GAS7: variants seen among roughly 807,000 people sequenced by gnomAD.
The protein encoded by GAS7 is growth arrest-specific protein 7.
In GAS7, 28 loss-of-function variants were observed where a neutral mutation model predicts 71.1. That is an observed-to-expected ratio of 0.39 (90% CI 0.29 to 0.54). GAS7 has a LOEUF of 0.54. GAS7 is among the 20% of genes least tolerant of loss of function. The pLI is 0.62. For synonymous variants in GAS7, 258 were observed against 245.8 expected (o/e 1.05, Z -0.46); for missense variants, 436 against 627.8 (o/e 0.69, Z 3.27).
chr17:9,955,927 C>G (rs1227987026), intron 5 of GAS7, among the ~76,000 whole-genome samples: 1 of 152,230 alleles, frequency 6.6e-6, no homozygotes, highest in Non-Finnish European at 1.5e-5. Flanking sequence ...CACTGTGCAG[C>G]TGGGGTTCCT....
chr17:10,073,743 C>T (rs1319851065), intron 1 of GAS7, among the ~76,000 whole-genome samples: 3 of 152,182 alleles, frequency 2.0e-5, no homozygotes, highest in Admixed American at 6.5e-5. Flanking sequence ...GACAGCTACA[C>T]GGGCGCTTGA....
intron 4 of GAS7, among the ~76,000 whole-genome samples, chr17:9,961,102 G>A (rs564226701): frequency 7.1e-6 from 1 of 141,822 alleles, no homozygotes; most frequent in East Asian, 2.2e-4. Flanking sequence ...CTCACTCAGA[G>A]ATACATGGAT....
Position 9,926,733 on chromosome 17 carries a change from G to A in GAS7, c.922C>T (p.Arg308Cys). 1.9e-6 allele frequency: 3 copies of A among 1,613,782 alleles called. No homozygotes were observed. The highest frequency in any genetic ancestry group is 1.7e-5 in the Admixed American group (1 of 60,016). The change falls in exon 10 of 14, where the codon CGT becomes TGT. Residue 308 changes from arginine (R) to cysteine (C), a missense_variant. Arg to Cys is a radical substitution (Grantham distance 180). Transcript: ENST00000432992. This position sits in a 1 kb window ranked among gnomAD's most constrained non-coding sequence, Gnocchi z 5.0. ...TTCATGTCTTTCTTGAAGTTCTCAC[G>A]GAAGTTCATCAGGGGCTTCTCCACC... Reference protein sequence around the residue: ...SEVEKPLMNFRENFKKDMKKC... With the variant: ...SEVEKPLMNFCENFKKDMKKC...
At chr17:10,124,194 C>T (rs1449530979) in intron 1 of GAS7, among the ~76,000 whole-genome samples, 7 of 152,224 alleles carry the variant, frequency 4.6e-5, no homozygotes, top group African/African-American at 1.4e-4. Context: ...CCCCTCGTGG[C>T]GGGGCCTTGC....
intron 1 of GAS7, among the ~76,000 whole-genome samples, chr17:10,146,795 T>G (rs1450740992): frequency 6.6e-6 from 1 of 152,060 alleles, no homozygotes; most frequent in Non-Finnish European, 1.5e-5. Context: ...CCATCCTGGC[T>G]AACACGGTGA....
chr17:10,189,699 G>T (rs2074483001), intron 1 of GAS7, among the ~76,000 whole-genome samples: 1 of 152,200 alleles, frequency 6.6e-6, no homozygotes, highest in South Asian at 2.1e-4. Flanking sequence ...AGCACTTTGG[G>T]AGGCCAAGGA....
chr17:10,075,615 C>G (rs985984805), intron 1 of GAS7, among the ~76,000 whole-genome samples: 1 of 151,668 alleles, frequency 6.6e-6, no homozygotes, highest in Non-Finnish European at 1.5e-5. Flanking sequence ...GGCAATATAG[C>G]GAGACCCTAC....
intron 1 of GAS7, among the ~76,000 whole-genome samples, chr17:10,053,645 T>C (rs1410581335): frequency 6.6e-6 from 1 of 152,054 alleles, no homozygotes; most frequent in Admixed American, 6.5e-5. Flanking sequence ...CAGATGCAAG[T>C]GCTGAATCGT....
intron 3 of GAS7, among the ~76,000 whole-genome samples, chr17:9,970,254 A>G (rs2069904781): frequency 6.6e-6 from 1 of 152,208 alleles, no homozygotes; most frequent in African/African-American, 2.4e-5. Context: ...TTGACTGGTC[A>G]CCGTGAAATT....
At position 10,198,487 on chromosome 17, in the gene GAS7, G is replaced by A. The variant is rs1413970388; in HGVS notation, c.-97C>T. On this transcript the variant is annotated 5_prime_UTR_variant, in exon 1 of 14. Coordinates refer to ENST00000432992, the MANE Select transcript of GAS7 (RefSeq NM_201433.2). ...GGGGTCCCAGGCGCCCGGCGCTCCG[G>A]GCTCCCGCGCTCTGGGCGCGCGCCG... The A allele has an allele frequency of 1.1e-6, 1 of 901,776 alleles. No homozygotes were observed. Among genetic ancestry groups the A allele is most frequent in the East Asian group, 3.4e-5 (1 of 29,404 alleles). 55.9% of individuals were successfully genotyped at this position (901,776 alleles called of 1,614,324 possible). A position where few individuals can be genotyped will look rare whatever the true frequency, so the allele number is the denominator to read the frequency against.
intron 1 of GAS7, among the ~76,000 whole-genome samples, chr17:10,144,352 A>T (rs922328526): frequency 6.6e-6 from 1 of 152,132 alleles, no homozygotes; most frequent in Non-Finnish European, 1.5e-5. Context: ...CCGTGATATT[A>T]TCCCAAAGTG....
intron 1 of GAS7, among the ~76,000 whole-genome samples, chr17:10,110,590 G>C (rs997001210): frequency 1.3e-5 from 2 of 152,102 alleles, no homozygotes; most frequent in African/African-American, 4.8e-5. Context: ...CTAAGCCTCA[G>C]CCTCCCAAGT....
chr17:10,104,017 C>T (rs60081522), intron 1 of GAS7, among the ~76,000 whole-genome samples: 37,841 of 151,998 alleles, frequency 0.25, 4,937 homozygotes, highest in East Asian at 0.51. Context: ...ATAATACCTA[C>T]CTTTAAATTT....
chr17:9,955,567 A>C (rs1018706903), intron 5 of GAS7, among the ~76,000 whole-genome samples: 1 of 152,210 alleles, frequency 6.6e-6, no homozygotes, highest in Non-Finnish European at 1.5e-5. Flanking sequence ...AAGATCACAC[A>C]GTTTGTGCAT....
At chr17:10,037,757 G>A (rs945615070) in intron 1 of GAS7, among the ~76,000 whole-genome samples, 1 of 152,018 alleles carries the variant, frequency 6.6e-6, no homozygotes, top group African/African-American at 2.4e-5. Flanking sequence ...GGGCATCCAT[G>A]TAAACATTTC....
At chr17:10,027,408 T>A (rs1567554161) in intron 1 of GAS7, among the ~76,000 whole-genome samples, 1 of 152,138 alleles carries the variant, frequency 6.6e-6, no homozygotes, top group African/African-American at 2.4e-5. Context: ...TCTTAATGGA[T>A]CTATTGAATG....
chr17:10,018,565 G>A (rs553634184), intron 2 of GAS7, among the ~76,000 whole-genome samples: 6 of 152,262 alleles, frequency 3.9e-5, no homozygotes, highest in South Asian at 2.1e-4. Flanking sequence ...AGATTAGAAC[G>A]GTCAGAAATA....
rs573347706 is a variant in GAS7, at chr17:9,926,408, G to A, written c.1014+233C>T. ...CCCACTGCAGCTGCAGCCTCTCCTC[G>A]CACCCCTGGCCCTCTGGGTGGTCAT... On this transcript the variant is annotated intron_variant, in intron 10 of 13. Transcript: ENST00000432992. The surrounding 1 kb of genome is among the most constrained non-coding windows in gnomAD (Gnocchi z 5.0). Among the ~76,000 whole-genome samples the A allele has an allele frequency of 2.6e-5, 4 of 152,278 alleles. No homozygotes were observed. The highest frequency in any genetic ancestry group is 2.1e-4 in the South Asian group (1 of 4,814).
chr17:10,165,307 A>AG (rs989171551), intron 1 of GAS7, among the ~76,000 whole-genome samples: 15 of 151,484 alleles, frequency 9.9e-5, no homozygotes, highest in Admixed American at 3.9e-4. Context: ...AAAAAAAAAA[A>AG]AAAAGAAAAC....
Sources: gnomAD v4.1 joint callset for allele counts (sites outside exome capture counted in the v4.1 genomes callset) on GRCh38, gnomAD v4.1.1 for gene constraint, Gnocchi (gnomAD v3.1) non-coding constraint, MANE v1.5 for transcripts, NCBI Gene and HGNC (gene_info 2026-07-23, HGNC 2026-07-21) for gene names.